TTF1: variants seen among roughly 807,000 people sequenced by gnomAD.
TTF1 encodes the protein transcription termination factor 1, also known as transcription termination factor, RNA polymerase I.
In TTF1, 64 loss-of-function variants were observed where a neutral mutation model predicts 80.2. The ratio of observed to expected loss-of-function variants is 0.80; its 90% CI spans 0.65 to 0.98. TTF1 has a LOEUF of 0.98. Among genes scored for constraint, TTF1 ranks in the 50% least tolerant of loss-of-function variants. The pLI is 0.00. For synonymous variants in TTF1, 372 were observed against 382.7 expected (o/e 0.97, Z 0.33); for missense variants, 1,023 against 1,086.2 (o/e 0.94, Z 0.82).
rs1358482851 is a variant in TTF1 at position 132,402,029 on chromosome 9, G to A, written c.793C>T (p.Gln265Ter). 1 of 1,613,426 alleles carries A rather than the reference G, an allele frequency of 6.2e-7. No individual in the cohort carries two copies. Among genetic ancestry groups the A allele is most frequent in the Non-Finnish European group, 8.5e-7 (1 of 1,179,920 alleles). ...PTVGLDDETP[Q>*]LLGPTHKKKS... ...TTTTTGTGAGTAGGTCCTAGTAGTT[G>A]TGGAGTTTCATCATCCAAGCCCACA... The change falls in exon 2 of 11, where the codon CAA becomes TAA. Residue 265 changes from glutamine (Q) to a stop codon, truncating the protein, a stop_gained. Coordinates refer to ENST00000334270, the MANE Select transcript of TTF1 (RefSeq NM_007344.4). LOFTEE classifies it high-confidence loss of function.
chr9:132,402,085 G>A lies in TTF1; in HGVS notation c.737C>T (p.Ala246Val), dbSNP rs199710577. The change falls in exon 2 of 11, where the codon GCC becomes GTC. Residue 246 changes from alanine to valine, a missense_variant. Transcript: ENST00000334270. ...MPEGSQAGRE[A>V]GTDMQESQPT... ...CTGGGATTCCTGCATATCAGTCCCG[G>A]CCTCTCTGCCTGCTTGCGATCCTTC... 9.2e-5 allele frequency: 149 copies of A among 1,613,582 alleles called. No individual in the cohort carries two copies. The East Asian group carries it at 2.7e-3, about 30-fold the overall frequency.
chr9:132,383,049 GA>G (rs1849397559), intron 9 of TTF1, among the ~76,000 whole-genome samples: 1 of 121,080 alleles, frequency 8.3e-6, no homozygotes, highest in Non-Finnish European at 1.7e-5. Flanking sequence ...TGGGCAACAA[GA>G]GTGAAAATCC....
intron 9 of TTF1, among the ~76,000 whole-genome samples, chr9:132,381,184 A>T (rs1313376326): frequency 6.6e-6 from 1 of 151,750 alleles, no homozygotes; most frequent in Non-Finnish European, 1.5e-5. Context: ...CACAAATTTA[A>T]TGGAAAAGCT....
rs533635957 is a variant in TTF1 at position 132,378,873 on chromosome 9, C to T, written c.2464+186G>A. Among the ~76,000 whole-genome samples, 18 of 152,140 alleles carry T rather than the reference C, an allele frequency of 1.2e-4. No individual in the cohort carries two copies. The East Asian group carries it at 3.3e-3, about 28-fold the overall frequency. On this transcript the variant is annotated intron_variant, in intron 10 of 10. Coordinates refer to ENST00000334270, the MANE Select transcript of TTF1 (RefSeq NM_007344.4). ...AGCACCGGGATGACCACACCCTACACGTTCATGCTTCATTTAGGACTTCTG... is the reference window on the plus strand; with the variant it reads ...AGCACCGGGATGACCACACCCTACATGTTCATGCTTCATTTAGGACTTCTG...
At chr9:132,395,544 A>G (rs1217186707) in intron 5 of TTF1, among the ~76,000 whole-genome samples, 1 of 152,176 alleles carries the variant, frequency 6.6e-6, no homozygotes, top group Non-Finnish European at 1.5e-5. Flanking sequence ...CAATTGTCTA[A>G]CCTCAGGATT....
At chr9:132,388,472 G>C (rs562538389) in intron 7 of TTF1, among the ~76,000 whole-genome samples, 8 of 151,902 alleles carry the variant, frequency 5.3e-5, no homozygotes, top group Admixed American at 5.3e-4. Flanking sequence ...GAGTAGCTGG[G>C]ATTCCTTACA....
intron 7 of TTF1, among the ~76,000 whole-genome samples, chr9:132,389,340 G>A (rs370529899): frequency 4.6e-5 from 7 of 151,576 alleles, no homozygotes; most frequent in Admixed American, 2.6e-4. Flanking sequence ...CCGCCATCCC[G>A]CCGGCTAATT....
In TTF1 at chr9:132,392,200, G is replaced by A. The variant is rs184375956; in HGVS notation, c.1863C>T (p.Ser621=). The part of the protein sequence containing the change: ...FDVNNYKGRY[S]EGDTEKLKMY... ...TCTTTAACTTCTCAGTATCTCCTTC[G>A]CTATACCTAGGAGAAAGGGAAAATG... The change falls in exon 6 of 11, where the codon AGC becomes AGT. Residue 621 remains serine (S), a synonymous_variant. Transcript: ENST00000334270. The A allele has an allele frequency of 1.9e-5, 31 of 1,614,032 alleles. No individual in the cohort carries two copies. Among genetic ancestry groups the A allele is most frequent in the Middle Eastern group, 1.7e-4 (1 of 6,060 alleles).
At chr9:132,400,809 CAGACT>C (rs1202799163) in intron 2 of TTF1, among the ~76,000 whole-genome samples, 1 of 152,136 alleles carries the variant, frequency 6.6e-6, no homozygotes, top group African/African-American at 2.4e-5. Flanking sequence ...GTTATTTGCT[CAGACT>C]ATTTTTCAAA....
In TTF1 at chr9:132,402,456, A is replaced by T; in HGVS notation, c.366T>A (p.Asp122Glu). ...TCATATCAACACAAACAACATCAACATCCTTTCTAAAATGCTTTGGTGTGT... is the reference window on the plus strand; with the variant it reads ...TCATATCAACACAAACAACATCAACTTCCTTTCTAAAATGCTTTGGTGTGT... ...INNTPKHFRK[D>E]VDVVCVDMSI... Residue 122 changes from aspartate to glutamate, a missense_variant, in exon 2 of 11, where the codon GAT (aspartate) becomes GAA (glutamate). Asp to Glu is a conservative substitution (Grantham distance 45). Transcript: ENST00000334270. 1 of 1,614,162 alleles carries T rather than the reference A, an allele frequency of 6.2e-7. No homozygotes were observed. The highest frequency in any genetic ancestry group is 2.2e-5 in the East Asian group (1 of 44,888).
At chr9:132,404,491 G>A (rs922882236) in intron 1 of TTF1, among the ~76,000 whole-genome samples, 2 of 151,808 alleles carry the variant, frequency 1.3e-5, no homozygotes, top group Non-Finnish European at 2.9e-5. Context: ...ACCCTCTCCT[G>A]CCTTCTCAGA....
At chr9:132,382,498 G>A (rs552392255) in intron 9 of TTF1, among the ~76,000 whole-genome samples, 34 of 152,244 alleles carry the variant, frequency 2.2e-4, no homozygotes, top group African/African-American at 7.5e-4. Flanking sequence ...ACTCCTGCCC[G>A]AAGGACACAG....
intron 6 of TTF1, 141 bp downstream of exon 6, chr9:132,391,935 G>A: frequency 2.2e-6 from 3 of 1,363,064 alleles, no homozygotes; most frequent in Non-Finnish European, 2.9e-6. Flanking sequence ...AAACAAATTA[G>A]TATAGAGAAC....
chr9:132,388,755 T>C (rs1309943926), intron 7 of TTF1, among the ~76,000 whole-genome samples: 1 of 152,238 alleles, frequency 6.6e-6, no homozygotes, highest in Non-Finnish European at 1.5e-5. Flanking sequence ...TGATGATTCC[T>C]CTAATGCCGA....
At chr9:132,377,913 TG>T (rs1849257568) in intron 10 of TTF1, among the ~76,000 whole-genome samples, 1 of 112,256 alleles carries the variant, frequency 8.9e-6, no homozygotes, top group African/African-American at 3.6e-5. Context: ...AGTGCATGTG[TG>T]TGTGAGTGCA....
Position 132,386,441 on chromosome 9 carries a change from A to G in TTF1, c.2378+115T>C. On this transcript the variant is annotated intron_variant, in intron 9 of 10. Coordinates refer to ENST00000334270, the MANE Select transcript of TTF1 (RefSeq NM_007344.4). ...ATACACTGAATTTTAACCACCACTT[A>G]TACAAAATTCCAAATGCAGCATCAT... The G allele has an allele frequency of 8.7e-6, 8 of 918,682 alleles. No individual in the cohort carries two copies. In the South Asian group the frequency reaches 1.2e-4, roughly 14 times the overall value. 56.9% of individuals were successfully genotyped at this position (918,682 alleles called of 1,614,324 possible).
rs1482619966 is a variant in TTF1 at position 132,398,300 on chromosome 9, A to T, written c.1618T>A (p.Ser540Thr). 6.2e-7 allele frequency: 1 copy of T among 1,608,304 alleles called. No homozygotes were observed. The highest frequency in any genetic ancestry group is 8.5e-7 in the Non-Finnish European group (1 of 1,178,296). Reference sequence around the variant, plus strand: ...TCTAACTGCTTATTTTCCTTTACAGAAAACTTGCCAAATTTAATAGCGACA... The same window carrying T: ...TCTAACTGCTTATTTTCCTTTACAGTAAACTTGCCAAATTTAATAGCGACA... ...QGVAIKFGKFSVKENKQLEKN... is the reference protein window; with the variant it reads ...QGVAIKFGKFTVKENKQLEKN... Residue 540 changes from serine to threonine, a missense_variant, in exon 4 of 11, where the codon TCT (serine) becomes ACT (threonine). Ser to Thr is a moderately conservative substitution (Grantham distance 58). Coordinates refer to ENST00000334270, the MANE Select transcript of TTF1 (RefSeq NM_007344.4).
chr9:132,403,669 TA>T (rs34439599), intron 1 of TTF1, among the ~76,000 whole-genome samples: 21,122 of 148,932 alleles, frequency 0.14, 1,922 homozygotes, highest in East Asian at 0.53. Flanking sequence ...TTCTCTGCTT[TA>T]AAAAAAAAAG....
intron 8 of TTF1, among the ~76,000 whole-genome samples, chr9:132,387,329 GAC>G (rs1849486903): frequency 6.6e-6 from 1 of 152,116 alleles, no homozygotes; most frequent in East Asian, 1.9e-4. Flanking sequence ...GGTGCCAAGA[GAC>G]ACAGTCATGG....
Sources: gnomAD v4.1 joint callset for allele counts (sites outside exome capture counted in the v4.1 genomes callset) on GRCh38, gnomAD v4.1.1 for gene constraint, MANE v1.5 for transcripts, NCBI Gene and HGNC (gene_info 2026-07-23, HGNC 2026-07-21) for gene names.